EVC2: variants seen among roughly 807,000 people sequenced by gnomAD.
The protein encoded by EVC2 is EvC ciliary complex subunit 2, also known as limbin.
In EVC2, 148 loss-of-function variants were observed where a neutral mutation model predicts 149.3. That is an observed-to-expected ratio of 0.99 (90% CI 0.87 to 1.14). The LOEUF is 1.14. Ranked by LOEUF, EVC2 falls within the 50% of genes most tolerant of loss-of-function variation. EVC2 has a pLI of 0.00. For synonymous variants in EVC2, 776 were observed against 649.9 expected (o/e 1.19, Z -2.95); for missense variants, 1,854 against 1,627.3 (o/e 1.14, Z -2.40).
rs926461661 is a variant in EVC2, at chr4:5,692,605, C to T, written c.451-1272G>A. ...CAAAAATGCCGGGCGCGGTGGCTCA[C>T]GCCTGTAATCCCAGCACTTTGGGAG... is the stretch of plus-strand genomic sequence containing the variant. On this transcript the variant is annotated intron_variant, in intron 3 of 21. Transcript: ENST00000344408. 2.6e-4 allele frequency among the ~76,000 whole-genome samples: 39 copies of T among 152,112 alleles called. No individual in the cohort carries two copies. The South Asian group carries it at 2.9e-3, about 11-fold the overall frequency.
intron 3 of EVC2, among the ~76,000 whole-genome samples, chr4:5,692,820 T>C (rs891267232): frequency 2.9e-5 from 4 of 136,768 alleles, no homozygotes; most frequent in Admixed American, 8.1e-5. Flanking sequence ...TGAGCCGAGA[T>C]TGCGCCACTG....
Position 5,543,182 on chromosome 4 carries a change from G to A in EVC2, c.3450C>T (p.Tyr1150=), listed in dbSNP as rs185867429. 7.8e-6 allele frequency: 10 copies of A among 1,289,782 alleles called. No individual in the cohort carries two copies. In the Admixed American group the frequency reaches 1.1e-4, roughly 15 times the overall value. 79.9% of individuals were successfully genotyped at this position (1,289,782 alleles called of 1,614,324 possible). A position where few individuals can be genotyped will look rare whatever the true frequency, so the allele number is the denominator to read the frequency against. The change falls in exon 22 of 23, where the codon TAC becomes TAT. Residue 1150 remains tyrosine, a synonymous_variant and NMD_transcript_variant. Coordinates refer to the EVC2 transcript ENST00000475313. ...ACCCAATCTCTGGAGTCCCTACCAGGTACTGCCAGAAGCTCTCTTGGTTCC... is the reference window on the plus strand; with the variant it reads ...ACCCAATCTCTGGAGTCCCTACCAGATACTGCCAGAAGCTCTCTTGGTTCC...
At chr4:5,592,588 A>G (rs998676993) in intron 16 of EVC2, among the ~76,000 whole-genome samples, 1 of 152,210 alleles carries the variant, frequency 6.6e-6, no homozygotes, top group African/African-American at 2.4e-5. Flanking sequence ...CTCCCAACAG[A>G]TAGTAAAGAC....
At chr4:5,559,362 AG>A (rs1169138623), downstream of EVC2, among the ~76,000 whole-genome samples, 1 of 152,218 alleles carries the variant, frequency 6.6e-6, no homozygotes. This position sits in a 1 kb window ranked among gnomAD's most constrained non-coding sequence, Gnocchi z 5.0. Context: ...TAAACAGGTT[AG>A]TATGTACATG....
chr4:5,642,507 T>C (rs576922751), intron 9 of EVC2, among the ~76,000 whole-genome samples: 1 of 152,338 alleles, frequency 6.6e-6, no homozygotes, highest in East Asian at 1.9e-4. Flanking sequence ...CTTCTATTGT[T>C]GCACATTTGG....
At chr4:5,570,917 T>C (rs1253802143) in intron 19 of EVC2, among the ~76,000 whole-genome samples, 1 of 152,124 alleles carries the variant, frequency 6.6e-6, no homozygotes, top group Middle Eastern at 3.2e-3. Flanking sequence ...TATTGTATGT[T>C]CTCACTTATG....
chr4:5,643,697 G>A (rs1329064910), intron 9 of EVC2, among the ~76,000 whole-genome samples: 2 of 152,140 alleles, frequency 1.3e-5, no homozygotes, highest in Non-Finnish European at 2.9e-5. Flanking sequence ...AAGGTGGGTG[G>A]ATCACTTGAG....
At chr4:5,692,944 G>A (rs562408672) in intron 3 of EVC2, among the ~76,000 whole-genome samples, 21 of 151,014 alleles carry the variant, frequency 1.4e-4, no homozygotes, top group African/African-American at 3.9e-4. Flanking sequence ...CGGACAATAT[G>A]CAACAGCATC....
chr4:5,695,470 C>T (rs1043116120), intron 2 of EVC2, among the ~76,000 whole-genome samples: 16 of 152,342 alleles, frequency 1.1e-4, no homozygotes, highest in South Asian at 8.3e-4. Context: ...TTAAAAGGTC[C>T]GGGCTGGGCT....
chr4:5,621,161 G>T (rs907571443), intron 14 of EVC2, among the ~76,000 whole-genome samples: 2 of 152,194 alleles, frequency 1.3e-5, no homozygotes, highest in African/African-American at 4.8e-5. Flanking sequence ...AGCAAGGTCG[G>T]ATCCTGGGGA....
chr4:5,604,573 C>T (rs1271230270), intron 16 of EVC2, among the ~76,000 whole-genome samples: 1 of 152,020 alleles, frequency 6.6e-6, no homozygotes, highest in African/African-American at 2.4e-5. Context: ...ACAAAAGAGG[C>T]TGGTTAATGA....
chr4:5,576,352 C>G lies in EVC2; in HGVS notation c.3160G>C (p.Gly1054Arg). ...CCAGGTTCGTTCAGAATCCCGGGCC[C>G]ATCGGCCACCCACTGCTGCCAGCTC... The part of the protein sequence containing the change: ...LASWQQWVAD[G>R]PGILNEPGEV... The change falls in exon 18 of 22, where the codon GGG becomes CGG. Residue 1054 changes from glycine (G) to arginine (R), a missense_variant. Physicochemically the swap from Gly to Arg is moderately radical, Grantham distance 125. Transcript: ENST00000344408. The surrounding 1 kb of genome is among the most constrained non-coding windows in gnomAD (Gnocchi z 4.5). The G allele has an allele frequency of 6.2e-7, 1 of 1,614,228 alleles. No homozygotes were observed. The highest frequency in any genetic ancestry group is 8.5e-7 in the Non-Finnish European group (1 of 1,180,040).
intron 5 of EVC2, among the ~76,000 whole-genome samples, chr4:5,685,807 T>C (rs989876822): frequency 6.6e-6 from 1 of 152,114 alleles, no homozygotes; most frequent in Non-Finnish European, 1.5e-5. Flanking sequence ...CCTCATCCCA[T>C]AGGTAAGTTT....
Position 5,562,774 on chromosome 4 carries a change from A to G in EVC2, c.*74T>C. On this transcript the variant is annotated 3_prime_UTR_variant, in exon 22 of 22. Transcript: ENST00000344408. This position sits in a 1 kb window ranked among gnomAD's most constrained non-coding sequence, Gnocchi z 4.3. ...TATATTTGCGAGTTGTGCATTATAA[A>G]CACACAAACACCGGCGGGCAGGAGA... 6.2e-7 allele frequency: 1 copy of G among 1,605,736 alleles called. No individual in the cohort carries two copies. The highest frequency in any genetic ancestry group is 1.3e-5 in the African/African-American group (1 of 74,950).
chr4:5,660,047 C>T (rs928620123), intron 9 of EVC2, among the ~76,000 whole-genome samples: 2 of 152,232 alleles, frequency 1.3e-5, no homozygotes, highest in Non-Finnish European at 2.9e-5. Flanking sequence ...CTGCCAATAA[C>T]TTCGTCTCCC....
intron 21 of EVC2, among the ~76,000 whole-genome samples, chr4:5,557,428 T>C (rs1014631214): frequency 9.2e-5 from 14 of 152,046 alleles, no homozygotes; most frequent in African/African-American, 3.4e-4. Context: ...AAAAAATACA[T>C]AAAAAACCTA....
chr4:5,620,457 T>C (rs1472480878), intron 14 of EVC2, among the ~76,000 whole-genome samples: 1 of 152,214 alleles, frequency 6.6e-6, no homozygotes, highest in Admixed American at 6.5e-5. Flanking sequence ...CACTTTCTCT[T>C]GCAAAGATAT....
At chr4:5,693,670 G>A (rs1721272662) in intron 3 of EVC2, among the ~76,000 whole-genome samples, 1 of 152,176 alleles carries the variant, frequency 6.6e-6, no homozygotes, top group African/African-American at 2.4e-5. Flanking sequence ...GCAGCCCCAG[G>A]AAATTAACAT....
At chr4:5,702,342 C>T (rs73067761) in intron 1 of EVC2, among the ~76,000 whole-genome samples, 1,629 of 152,282 alleles carry the variant, frequency 0.011, 26 homozygotes, top group African/African-American at 0.037. Flanking sequence ...TTTCCTGCTC[C>T]AAGAATGCAG....
Sources: gnomAD v4.1 joint callset for allele counts (sites outside exome capture counted in the v4.1 genomes callset) on GRCh38, gnomAD v4.1.1 for gene constraint, Gnocchi (gnomAD v3.1) non-coding constraint, MANE v1.5 for transcripts, NCBI Gene and HGNC (gene_info 2026-07-23, HGNC 2026-07-21) for gene names.